B3GALT1: variants seen among roughly 807,000 people sequenced by gnomAD.
B3GALT1 encodes UDP-Gal:betaGlcNAc beta 1,3-galactosyltransferase, polypeptide 1.
A neutral mutation model predicts 23.2 loss-of-function variants in B3GALT1; 10 were observed. The observed-to-expected ratio is 0.43, with a 90% CI of 0.27 to 0.73. The LOEUF (loss-of-function observed/expected upper bound fraction) is 0.73, where lower values mean the gene tolerates loss of function less well. Ranked by LOEUF, B3GALT1 falls within the 30% of genes least tolerant of loss-of-function variation. The pLI, the probability that B3GALT1 is intolerant of heterozygous loss-of-function variation, is 0.21. For missense variants in B3GALT1, 299 were observed against 405.4 expected (o/e 0.74, Z 2.25); for synonymous variants, 156 against 141.5 (o/e 1.10, Z -0.73).
chr2:167,410,692 A>G (rs1213445109), intron 1 of B3GALT1, among the ~76,000 whole-genome samples: 1 of 152,052 alleles, frequency 6.6e-6, no homozygotes, highest in Non-Finnish European at 1.5e-5. Context: ...TGGCACATAT[A>G]TACCTATGTA....
intron 3 of B3GALT1, among the ~76,000 whole-genome samples, chr2:167,717,401 T>C (rs1336448501): frequency 6.6e-6 from 1 of 152,128 alleles, no homozygotes; most frequent in Non-Finnish European, 1.5e-5. Context: ...TAACTCGTCA[T>C]TTAGCATTAG....
intron 3 of B3GALT1, among the ~76,000 whole-genome samples, chr2:167,772,181 A>G (rs1045224638): frequency 2.6e-5 from 4 of 152,218 alleles, no homozygotes; most frequent in African/African-American, 9.6e-5. Flanking sequence ...CACCAAAATT[A>G]GTTAGCACAG....
intron 3 of B3GALT1, among the ~76,000 whole-genome samples, chr2:167,674,571 C>T (rs1184276157): frequency 6.6e-6 from 1 of 152,154 alleles, no homozygotes; most frequent in African/African-American, 2.4e-5. Flanking sequence ...ATAGTCCATC[C>T]AGAGTTCAAT....
At chr2:167,621,972 C>T (rs573139231) in intron 2 of B3GALT1, among the ~76,000 whole-genome samples, 1 of 152,178 alleles carries the variant, frequency 6.6e-6, no homozygotes, top group South Asian at 2.1e-4. Context: ...ATTACCCAGT[C>T]TTGGGTTTGT....
intron 1 of B3GALT1, among the ~76,000 whole-genome samples, chr2:167,454,284 G>A (rs1323086521): frequency 6.6e-6 from 1 of 152,186 alleles, no homozygotes; most frequent in Non-Finnish European, 1.5e-5. Flanking sequence ...CCAACTATAT[G>A]CGAATAGGAT....
rs538876129 is a variant in B3GALT1 at position 167,869,025 on chromosome 2, C to T, written c.-15C>T. The T allele has an allele frequency of 6.3e-6, 10 of 1,579,940 alleles. No homozygotes were observed. Among genetic ancestry groups the T allele is most frequent in the Middle Eastern group, 1.7e-4 (1 of 5,848 alleles). On this transcript the variant is annotated 5_prime_UTR_variant, in exon 5 of 5. It adds an upstream start codon to the 5' untranslated region. Transcript: ENST00000392690. This position sits in a 1 kb window ranked among gnomAD's most constrained non-coding sequence, Gnocchi z 6.4. ...CGTATTCTTCAATATTTGGAATAGA[C>T]GTGTTCTCAAGACAATGGCTTCAAA...
At chr2:167,326,655 A>G (rs1040507111) in intron 1 of B3GALT1, among the ~76,000 whole-genome samples, 17 of 151,946 alleles carry the variant, frequency 1.1e-4, no homozygotes, top group Admixed American at 7.2e-4. Context: ...GTATATGGTT[A>G]TCCAGTTTCC....
chr2:167,584,684 A>G (rs1442139710), intron 2 of B3GALT1, among the ~76,000 whole-genome samples: 1 of 151,922 alleles, frequency 6.6e-6, no homozygotes, highest in East Asian at 1.9e-4. Flanking sequence ...GGTTCCTACA[A>G]CCCCCTCCTT....
intron 3 of B3GALT1, among the ~76,000 whole-genome samples, chr2:167,659,779 A>T (rs546908970): frequency 6.6e-6 from 1 of 152,142 alleles, no homozygotes; most frequent in South Asian, 2.1e-4. Flanking sequence ...TCCCTGCCAG[A>T]TCACCAATAG....
chr2:167,609,718 G>T (rs938570833), intron 2 of B3GALT1, among the ~76,000 whole-genome samples: 16 of 152,260 alleles, frequency 1.1e-4, no homozygotes, highest in Admixed American at 5.9e-4. Flanking sequence ...TCTTGAGAGG[G>T]TCACTGGCAA....
At chr2:167,394,215 A>G (rs565886420) in intron 1 of B3GALT1, among the ~76,000 whole-genome samples, 3 of 152,298 alleles carry the variant, frequency 2.0e-5, no homozygotes, top group South Asian at 4.1e-4. Context: ...CTGATAAAAA[A>G]CTTAAAACCA....
At chr2:167,627,763 A>G (rs1033235561) in intron 2 of B3GALT1, among the ~76,000 whole-genome samples, 1 of 151,678 alleles carries the variant, frequency 6.6e-6, no homozygotes, top group Non-Finnish European at 1.5e-5. Flanking sequence ...TCATTTTCTG[A>G]TGTGGCTGTA....
intron 1 of B3GALT1, among the ~76,000 whole-genome samples, chr2:167,448,978 C>T (rs1168406605): frequency 6.6e-6 from 1 of 152,102 alleles, no homozygotes; most frequent in Non-Finnish European, 1.5e-5. Context: ...ATACCAGTAC[C>T]ATGCTCTTTT....
At chr2:167,767,938 G>A (rs769587342) in intron 3 of B3GALT1, among the ~76,000 whole-genome samples, 5 of 152,148 alleles carry the variant, frequency 3.3e-5, no homozygotes, top group Non-Finnish European at 5.9e-5. Flanking sequence ...GCTGAGAGCT[G>A]ACAAGATGAT....
At chr2:167,647,884 A>T (rs1426226022) in intron 3 of B3GALT1, among the ~76,000 whole-genome samples, 1 of 152,154 alleles carries the variant, frequency 6.6e-6, no homozygotes, top group Non-Finnish European at 1.5e-5. Flanking sequence ...ATCATGAAGA[A>T]TGGGGTTTCC....
chr2:167,664,597 T>C (rs1217929391), intron 3 of B3GALT1, among the ~76,000 whole-genome samples: 7 of 152,330 alleles, frequency 4.6e-5, no homozygotes, highest in Non-Finnish European at 5.9e-5. Context: ...CCCATGAGCA[T>C]GGAATGTTCT....
At chr2:167,587,457 G>A (rs1684602119) in intron 2 of B3GALT1, among the ~76,000 whole-genome samples, 1 of 152,080 alleles carries the variant, frequency 6.6e-6, no homozygotes, top group African/African-American at 2.4e-5. Flanking sequence ...TAGGTAATAA[G>A]GCACAGAGAA....
chr2:167,512,490 TG>T (rs1251075333), intron 2 of B3GALT1, among the ~76,000 whole-genome samples: 1 of 146,982 alleles, frequency 6.8e-6, no homozygotes, highest in African/African-American at 2.5e-5. Flanking sequence ...ATTTGTATTT[TG>T]TATTTATATT....
intron 1 of B3GALT1, among the ~76,000 whole-genome samples, chr2:167,488,512 G>C (rs765563057): frequency 2.0e-5 from 3 of 152,222 alleles, no homozygotes; most frequent in Non-Finnish European, 4.4e-5. Flanking sequence ...GGTTTTCACT[G>C]TACAGTTCAT....
Sources: allele counts gnomAD v4.1 joint callset (sites outside exome capture counted in the v4.1 genomes callset), GRCh38; gene constraint gnomAD v4.1.1; non-coding constraint Gnocchi (gnomAD v3.1); transcripts MANE v1.5; gene names NCBI Gene and HGNC (gene_info 2026-07-23, HGNC 2026-07-21).